Variants in GPC6 observed in about 807,000 individuals in gnomAD.
GPC6 encodes glypican-6.
Under a neutral mutation model 55.2 loss-of-function variants are expected in GPC6, and 14 were observed. That is an observed-to-expected ratio of 0.25 (90% CI 0.17 to 0.40). The LOEUF (loss-of-function observed/expected upper bound fraction) is 0.40. Among genes scored for constraint, GPC6 ranks in the 10% least tolerant of loss-of-function variants. The probability of loss-of-function intolerance (pLI) is 1.00; values close to 1 mark genes in which losing one functional copy is unlikely to be tolerated. For missense variants in GPC6, 641 were observed against 708.5 expected (o/e 0.90, Z 1.08); for synonymous variants, 278 against 259.6 (o/e 1.07, Z -0.68).
At position 93,945,250 on chromosome 13, in the gene GPC6, A is replaced by G. The variant is rs76501460; in HGVS notation, c.712-82479A>G. Among the ~76,000 whole-genome samples the G allele has an allele frequency of 6.9e-3, 1,054 of 152,328 alleles. 14 individuals are homozygous for G. Among genetic ancestry groups the G allele is most frequent in the African/African-American group, 0.024 (1,010 of 41,572 alleles). On this transcript the variant is annotated intron_variant, in intron 3 of 8. Coordinates refer to ENST00000377047, the MANE Select transcript of GPC6 (RefSeq NM_005708.5). ...CTAATAATATAATGTAAAATACTCTATTTGCAGTTTAATATAGTCAATTGA... is the reference window on the plus strand; with the variant it reads ...CTAATAATATAATGTAAAATACTCTGTTTGCAGTTTAATATAGTCAATTGA...
intron 1 of GPC6, among the ~76,000 whole-genome samples, chr13:93,228,552 G>C (rs1350190629): frequency 6.6e-6 from 1 of 152,188 alleles, no homozygotes; most frequent in Non-Finnish European, 1.5e-5. Context: ...GCGGCAGTCT[G>C]GGTGCTTGTT....
At chr13:94,296,679 A>G (rs1047790082) in intron 5 of GPC6, among the ~76,000 whole-genome samples, 55 of 152,326 alleles carry the variant, frequency 3.6e-4, no homozygotes, top group African/African-American at 1.3e-3. Context: ...TGAAGGAGTC[A>G]CATCTGTGGG....
chr13:93,708,371 AT>A (rs1882930907), intron 2 of GPC6, among the ~76,000 whole-genome samples: 1 of 151,808 alleles, frequency 6.6e-6, no homozygotes, highest in South Asian at 2.1e-4. Context: ...CTGGCAGAGA[AT>A]CACATTTGCC....
intron 2 of GPC6, among the ~76,000 whole-genome samples, chr13:93,649,214 G>C (rs1038943071): frequency 2.0e-5 from 3 of 152,102 alleles, no homozygotes; most frequent in African/African-American, 7.2e-5. Context: ...ACTTTGGGAG[G>C]CTGAGGTGGT....
intron 3 of GPC6, among the ~76,000 whole-genome samples, chr13:93,993,295 CTTTTT>C (rs545224527): frequency 7.1e-6 from 1 of 139,868 alleles, no homozygotes; most frequent in Non-Finnish European, 1.6e-5. Context: ...TTCTTTCTTT[CTTTTT>C]TTTTTTTTTT....
intron 2 of GPC6, among the ~76,000 whole-genome samples, chr13:93,633,644 A>G (rs975901603): frequency 1.5e-4 from 20 of 130,234 alleles, no homozygotes; most frequent in Non-Finnish European, 3.0e-4. Flanking sequence ...TCAAATAAAT[A>G]AATAAATAAA....
intron 3 of GPC6, 130 bp from the exon 4 acceptor site, chr13:94,027,599 A>G: frequency 1.3e-6 from 1 of 796,962 alleles, no homozygotes. Context: ...CAGGAATTGG[A>G]TGGATTCAAG....
intron 4 of GPC6, among the ~76,000 whole-genome samples, chr13:94,205,709 C>G (rs1239795891): frequency 6.6e-6 from 1 of 152,222 alleles, no homozygotes; most frequent in Non-Finnish European, 1.5e-5. Flanking sequence ...ATTTAGCTCT[C>G]CATGCTTTGT....
At chr13:93,636,459 T>C (rs1879701076) in intron 2 of GPC6, among the ~76,000 whole-genome samples, 1 of 152,216 alleles carries the variant, frequency 6.6e-6, no homozygotes, top group African/African-American at 2.4e-5. Flanking sequence ...CATGATCACA[T>C]ATCCCTGCCT....
intron 6 of GPC6, among the ~76,000 whole-genome samples, chr13:94,327,989 A>G (rs893574675): frequency 6.6e-5 from 10 of 152,006 alleles, no homozygotes; most frequent in Non-Finnish European, 1.3e-4. Flanking sequence ...TTTTGTTGGG[A>G]GAAAAAATAG....
chr13:93,445,738 A>G (rs1032449969), intron 1 of GPC6, among the ~76,000 whole-genome samples: 1 of 152,224 alleles, frequency 6.6e-6, no homozygotes, highest in Non-Finnish European at 1.5e-5. Flanking sequence ...CATATTGTCA[A>G]GGACACAGTG....
chr13:93,992,863 C>T (rs1163831571), intron 3 of GPC6, among the ~76,000 whole-genome samples: 1 of 152,078 alleles, frequency 6.6e-6, no homozygotes, highest in East Asian at 1.9e-4. Flanking sequence ...ATTATAAGTG[C>T]TAGGCTTCAT....
chr13:93,377,336 T>A (rs1874952145), intron 1 of GPC6, among the ~76,000 whole-genome samples: 1 of 152,134 alleles, frequency 6.6e-6, no homozygotes, highest in Admixed American at 6.5e-5. Flanking sequence ...GCTCTACATC[T>A]TGGAGACGAG....
chr13:94,015,748 A>G (rs900534199), intron 3 of GPC6, among the ~76,000 whole-genome samples: 3 of 152,100 alleles, frequency 2.0e-5, no homozygotes, highest in African/African-American at 7.2e-5. Context: ...TGAGTTGGTG[A>G]GGATATTATC....
At chr13:94,054,408 C>A (rs993182780) in intron 4 of GPC6, among the ~76,000 whole-genome samples, 4 of 152,086 alleles carry the variant, frequency 2.6e-5, no homozygotes, top group African/African-American at 9.7e-5. Flanking sequence ...AACCACAAAG[C>A]GCTGTGCTCC....
chr13:93,658,668 A>G lies in GPC6; in HGVS notation c.319+113247A>G, dbSNP rs139979150. Among the ~76,000 whole-genome samples, 11 of 151,858 alleles carry G rather than the reference A, an allele frequency of 7.2e-5. No individual in the cohort carries two copies. The East Asian group carries it at 1.7e-3, about 24-fold the overall frequency. ...CTTTTGCCTTTCTTAGATAAGCTCTACCTTACAATGTATTATCATATTGGT... is the reference window on the plus strand; with the variant it reads ...CTTTTGCCTTTCTTAGATAAGCTCTGCCTTACAATGTATTATCATATTGGT... On this transcript the variant is annotated intron_variant, in intron 2 of 8. Coordinates refer to ENST00000377047, the MANE Select transcript of GPC6 (RefSeq NM_005708.5).
chr13:94,102,345 A>G (rs1238929951), intron 4 of GPC6, among the ~76,000 whole-genome samples: 6 of 152,034 alleles, frequency 3.9e-5, no homozygotes, highest in African/African-American at 1.4e-4. Flanking sequence ...TCCATCCCCT[A>G]TTCTATAATC....
At chr13:93,391,826 G>T (rs902611300) in intron 1 of GPC6, among the ~76,000 whole-genome samples, 1 of 151,980 alleles carries the variant, frequency 6.6e-6, no homozygotes, top group African/African-American at 2.4e-5. Context: ...GATGAGTTAC[G>T]GCAGATTCTT....
At chr13:93,746,113 GA>G (rs1396508007) in intron 2 of GPC6, among the ~76,000 whole-genome samples, 1 of 152,194 alleles carries the variant, frequency 6.6e-6, no homozygotes. Flanking sequence ...GCTAAGATAA[GA>G]AGCTGTTTTG....
Sources: gnomAD v4.1 joint callset for allele counts (sites outside exome capture counted in the v4.1 genomes callset) on GRCh38, gnomAD v4.1.1 for gene constraint, MANE v1.5 for transcripts, NCBI Gene and HGNC (gene_info 2026-07-23, HGNC 2026-07-21) for gene names.